ULK4: variants seen among roughly 807,000 people sequenced by gnomAD.
ULK4 encodes the protein inactive serine/threonine-protein kinase ULK4.
Under a neutral mutation model 160.6 loss-of-function variants are expected in ULK4, and 133 were observed. The observed-to-expected ratio is 0.83, with a 90% CI of 0.72 to 0.96. The LOEUF is 0.96. Among genes scored for constraint, ULK4 ranks in the 40% least tolerant of loss-of-function variants. ULK4 has a pLI of 0.00. For missense variants in ULK4, 1,580 were observed against 1,499.5 expected (o/e 1.05, Z -0.89); for synonymous variants, 534 against 539.8 (o/e 0.99, Z 0.15).
chr3:41,880,063 T>C (rs1455931521), intron 17 of ULK4, among the ~76,000 whole-genome samples: 1 of 152,092 alleles, frequency 6.6e-6, no homozygotes, highest in Non-Finnish European at 1.5e-5. Context: ...GAGGTTGCAG[T>C]GAGCCAAGAT....
At chr3:41,524,833 G>A (rs1352178375) in intron 32 of ULK4, among the ~76,000 whole-genome samples, 2 of 152,166 alleles carry the variant, frequency 1.3e-5, no homozygotes, top group Non-Finnish European at 2.9e-5. Flanking sequence ...AGCTACTCGG[G>A]AAGCTGAGGC....
At chr3:41,387,333 T>G (rs555591387) in intron 35 of ULK4, among the ~76,000 whole-genome samples, 33 of 152,258 alleles carry the variant, frequency 2.2e-4, no homozygotes, top group African/African-American at 5.1e-4. Flanking sequence ...ATGCTAGGAC[T>G]TATTCCTCTT....
intron 32 of ULK4, among the ~76,000 whole-genome samples, chr3:41,494,985 C>T (rs941759675): frequency 6.6e-6 from 1 of 151,898 alleles, no homozygotes; most frequent in Non-Finnish European, 1.5e-5. Context: ...GAATCAGTAT[C>T]GTGAAAATGG....
intron 18 of ULK4, among the ~76,000 whole-genome samples, chr3:41,831,531 A>ATATATAGATATAT: frequency 7.2e-6 from 1 of 138,066 alleles, no homozygotes; most frequent in African/African-American, 2.8e-5. Flanking sequence ...ATATATATAT[A>ATATATAGATATAT]TTTTTTTTTC....
chr3:41,605,351 A>G (rs1036019093), intron 31 of ULK4, among the ~76,000 whole-genome samples: 11 of 152,028 alleles, frequency 7.2e-5, no homozygotes, highest in African/African-American at 2.7e-4. Context: ...AACTACATCT[A>G]TCTTCAAGAA....
Position 41,915,967 on chromosome 3 carries a change from C to T in ULK4, c.803+10G>A, listed in dbSNP as rs1249686063. 1.9e-6 allele frequency: 3 copies of T among 1,567,918 alleles called. No homozygotes were observed. The highest frequency in any genetic ancestry group is 2.7e-5 in the African/African-American group (2 of 72,790). On this transcript the variant is annotated intron_variant, in intron 8 of 36. Transcript: ENST00000301831. ...AGAAAAAGAAAAAAAGATCGAACTA[C>T]TGTCCCTACCTTTTCTGAGGATCTC...
chr3:41,922,237 T>C (rs1277823532), intron 5 of ULK4, among the ~76,000 whole-genome samples: 1 of 150,304 alleles, frequency 6.7e-6, no homozygotes, highest in Non-Finnish European at 1.5e-5. Flanking sequence ...CCTGTACTCC[T>C]AGCTACTTGG....
At chr3:41,644,978 T>C (rs1222199891) in intron 30 of ULK4, among the ~76,000 whole-genome samples, 520 of 151,612 alleles carry the variant, frequency 3.4e-3, no homozygotes, top group Non-Finnish European at 5.3e-3. Flanking sequence ...AGTTTATTTG[T>C]GTAGAGGTGT....
chr3:41,297,256 G>A (rs925458410), intron 35 of ULK4, among the ~76,000 whole-genome samples: 3 of 152,210 alleles, frequency 2.0e-5, no homozygotes, highest in African/African-American at 7.2e-5. Context: ...GACTCCTTCT[G>A]AAACCCTAGC....
chr3:41,522,782 A>G (rs772775398), intron 32 of ULK4, among the ~76,000 whole-genome samples: 2 of 152,224 alleles, frequency 1.3e-5, no homozygotes, highest in Non-Finnish European at 1.5e-5. Context: ...AGTGATTTTC[A>G]TTGTGTTCCA....
At chr3:41,858,142 TG>T (rs138213702) in intron 17 of ULK4, among the ~76,000 whole-genome samples, 14,953 of 101,976 alleles carry the variant, frequency 0.15, 1,999 homozygotes, top group African/African-American at 0.46. Context: ...GGGTTTTTTT[TG>T]TTTGTTTTTT....
chr3:41,406,072 G>A (rs947661443), intron 34 of ULK4, among the ~76,000 whole-genome samples: 3 of 152,020 alleles, frequency 2.0e-5, no homozygotes, highest in Non-Finnish European at 4.4e-5. Context: ...TGTTTCCTAG[G>A]TTTTCTTCTA....
intron 3 of ULK4, among the ~76,000 whole-genome samples, chr3:41,936,452 C>A (rs986594245): frequency 3.9e-5 from 6 of 152,164 alleles, no homozygotes; most frequent in Admixed American, 3.9e-4. Context: ...TCCAAGGTCC[C>A]AGTTACTTCT....
At chr3:41,773,395 G>A (rs1397041031) in intron 21 of ULK4, among the ~76,000 whole-genome samples, 4 of 152,096 alleles carry the variant, frequency 2.6e-5, no homozygotes, top group African/African-American at 9.7e-5. Context: ...AAATCAACGT[G>A]CAAAAATCAC....
At chr3:41,702,069 G>A (rs1156859827) in intron 27 of ULK4, among the ~76,000 whole-genome samples, 1 of 152,140 alleles carries the variant, frequency 6.6e-6, no homozygotes, top group African/African-American at 2.4e-5. Context: ...AACAATTACA[G>A]TGTGTAAATG....
intron 17 of ULK4, among the ~76,000 whole-genome samples, chr3:41,851,386 T>G (rs556311102): frequency 3.9e-5 from 6 of 152,304 alleles, no homozygotes; most frequent in Admixed American, 2.0e-4. Context: ...CGTTGATTGA[T>G]TTGCGTATGT....
chr3:41,318,723 G>A (rs2080191307), intron 35 of ULK4, among the ~76,000 whole-genome samples: 1 of 152,186 alleles, frequency 6.6e-6, no homozygotes, highest in Admixed American at 6.5e-5. Context: ...ACAGCAGCAG[G>A]CAATAGGCAG....
At chr3:41,880,929 AT>A (rs150393006) in intron 17 of ULK4, among the ~76,000 whole-genome samples, 6,443 of 152,224 alleles carry the variant, frequency 0.042, 418 homozygotes, top group African/African-American at 0.15. Flanking sequence ...TCGCAAAAAA[AT>A]AAATAAGTAA....
At chr3:41,865,051 C>T (rs1158952763) in intron 17 of ULK4, among the ~76,000 whole-genome samples, 1 of 151,948 alleles carries the variant, frequency 6.6e-6, no homozygotes, top group Non-Finnish European at 1.5e-5. Flanking sequence ...GTGGGTGGAT[C>T]ACTTGAGGTC....
Sources: gnomAD v4.1 joint callset for allele counts (sites outside exome capture counted in the v4.1 genomes callset) on GRCh38, gnomAD v4.1.1 for gene constraint, MANE v1.5 for transcripts, NCBI Gene and HGNC (gene_info 2026-07-23, HGNC 2026-07-21) for gene names.